Variants in NRXN3 observed in about 807,000 individuals in gnomAD.
The protein encoded by NRXN3 is neurexin 3, also known as neurexin III.
Under a neutral mutation model 137.6 loss-of-function variants are expected in NRXN3, and 32 were observed. The ratio of observed to expected loss-of-function variants is 0.23; its 90% CI spans 0.18 to 0.31. NRXN3 has a LOEUF of 0.31. NRXN3 is among the 10% of genes least tolerant of loss of function. The pLI is 1.00. For missense variants in NRXN3, 1,574 were observed against 2,062.5 expected, an observed-to-expected ratio of 0.76 and a Z score of 4.59; for synonymous variants, 798 against 784.5, an observed-to-expected ratio of 1.02 and a Z score of -0.29.
chr14:78,811,552 T>A (rs1164462129), intron 10 of NRXN3, among the ~76,000 whole-genome samples: 1 of 152,244 alleles, frequency 6.6e-6, no homozygotes, highest in Non-Finnish European at 1.5e-5. Flanking sequence ...TTAGTTGATA[T>A]CTAGCACATG....
intron 2 of NRXN3, among the ~76,000 whole-genome samples, chr14:78,277,591 A>G (rs896142825): frequency 6.6e-6 from 1 of 152,164 alleles, no homozygotes; most frequent in Non-Finnish European, 1.5e-5. Flanking sequence ...CTCCAGATCC[A>G]CCATTCAGTG....
intron 10 of NRXN3, among the ~76,000 whole-genome samples, chr14:78,929,211 A>G (rs2099314756): frequency 6.6e-6 from 1 of 151,920 alleles, no homozygotes; most frequent in South Asian, 2.1e-4. Context: ...CCTTTATTTA[A>G]TTTTTATTTT....
At chr14:78,963,724 A>G (rs1391824259) in intron 11 of NRXN3, among the ~76,000 whole-genome samples, 2 of 152,340 alleles carry the variant, frequency 1.3e-5, no homozygotes, top group South Asian at 2.1e-4. Context: ...ACTAGTTGTC[A>G]AAACACTGCA....
intron 1 of NRXN3, among the ~76,000 whole-genome samples, chr14:78,216,353 G>A (rs117426393): frequency 0.074 from 11,203 of 152,218 alleles, 542 homozygotes; most frequent in South Asian, 0.15. Flanking sequence ...AGATGTCTCT[G>A]TGGCTTGTTC....
chr14:78,453,765 A>G (rs1331789726), intron 4 of NRXN3, among the ~76,000 whole-genome samples: 2 of 152,224 alleles, frequency 1.3e-5, no homozygotes, highest in African/African-American at 4.8e-5. Flanking sequence ...GGACACAGAA[A>G]CAGACACATA....
chr14:78,604,932 G>A (rs374723321), intron 4 of NRXN3, among the ~76,000 whole-genome samples: 3 of 152,212 alleles, frequency 2.0e-5, no homozygotes, highest in South Asian at 2.1e-4. Context: ...GACTAAATAC[G>A]GAGTCCTAAT....
At chr14:79,070,164 C>A (rs2099685832) in intron 15 of NRXN3, among the ~76,000 whole-genome samples, 1 of 152,084 alleles carries the variant, frequency 6.6e-6, no homozygotes, top group African/African-American at 2.4e-5. Flanking sequence ...CGGGATAGCA[C>A]CACGCATCCT....
chr14:78,805,829 C>T (rs28449456), intron 9 of NRXN3, among the ~76,000 whole-genome samples: 1 of 151,998 alleles, frequency 6.6e-6, no homozygotes, highest in Non-Finnish European at 1.5e-5. Flanking sequence ...TTTGACAGGT[C>T]TCACATCTTA....
chr14:78,307,940 A>C (rs2077534652), intron 4 of NRXN3, among the ~76,000 whole-genome samples: 1 of 152,108 alleles, frequency 6.6e-6, no homozygotes, highest in Non-Finnish European at 1.5e-5. Flanking sequence ...TCTTAAAGAG[A>C]TACTGCTCTT....
chr14:78,639,563 C>G (rs117348596), intron 4 of NRXN3, among the ~76,000 whole-genome samples: 2,039 of 152,272 alleles, frequency 0.013, 25 homozygotes, highest in Non-Finnish European at 0.017. Flanking sequence ...GAAAGTCAAC[C>G]TACTCCCCTA....
At chr14:78,258,858 C>T (rs1309824917) in intron 2 of NRXN3, among the ~76,000 whole-genome samples, 1 of 152,116 alleles carries the variant, frequency 6.6e-6, no homozygotes, top group African/African-American at 2.4e-5. Context: ...CCTGGCCGGG[C>T]GCGGTGGCTC....
chr14:79,046,885 G>A (rs1489473107), intron 15 of NRXN3, among the ~76,000 whole-genome samples: 2 of 152,278 alleles, frequency 1.3e-5, no homozygotes, highest in South Asian at 2.1e-4. Context: ...ATACAGTAGC[G>A]ATTTATTCTG....
intron 4 of NRXN3, among the ~76,000 whole-genome samples, chr14:78,527,713 C>G (rs2153808653): frequency 6.6e-6 from 1 of 152,228 alleles, no homozygotes; most frequent in East Asian, 1.9e-4. Context: ...AATAATATAG[C>G]AGACATTAAA....
chr14:79,254,786 T>TTCCCTCCCTGCCTGCC (rs376599593), intron 15 of NRXN3, among the ~76,000 whole-genome samples: 1,776 of 151,766 alleles, frequency 0.012, 43 homozygotes, highest in African/African-American at 0.042. Flanking sequence ...AGGCAATTTC[T>TTCCCTCCCTGCCTGCC]TCCCTCCCTG....
At chr14:78,250,486 G>A (rs1271691581) in intron 2 of NRXN3, among the ~76,000 whole-genome samples, 1 of 152,168 alleles carries the variant, frequency 6.6e-6, no homozygotes, top group Non-Finnish European at 1.5e-5. Flanking sequence ...TAAAAGGAGG[G>A]GAATTTTGGA....
intron 10 of NRXN3, among the ~76,000 whole-genome samples, chr14:78,929,790 G>A (rs1385488230): frequency 6.6e-6 from 1 of 152,088 alleles, no homozygotes; most frequent in African/African-American, 2.4e-5. Context: ...TTCCTTATAA[G>A]GGAAGCATTA....
intron 15 of NRXN3, among the ~76,000 whole-genome samples, chr14:79,429,225 T>C (rs185004670): frequency 6.6e-6 from 1 of 152,326 alleles, no homozygotes; most frequent in East Asian, 1.9e-4. Context: ...AATCGATTCG[T>C]GTATAGTACC....
chr14:78,454,495 AT>A (rs995352838), intron 4 of NRXN3, among the ~76,000 whole-genome samples: 1 of 152,146 alleles, frequency 6.6e-6, no homozygotes, highest in Non-Finnish European at 1.5e-5. Context: ...TGGTAATGAT[AT>A]TTTTTAGAAA....
intron 4 of NRXN3, among the ~76,000 whole-genome samples, chr14:78,503,059 C>T (rs901834336): frequency 6.6e-6 from 1 of 152,156 alleles, no homozygotes; most frequent in African/African-American, 2.4e-5. Context: ...TTATATTAAA[C>T]ATCACTGGCA....
Sources: gnomAD v4.1 joint callset for allele counts (sites outside exome capture counted in the v4.1 genomes callset) on GRCh38, gnomAD v4.1.1 for gene constraint, MANE v1.5 for transcripts, NCBI Gene and HGNC (gene_info 2026-07-23, HGNC 2026-07-21) for gene names.